Variants in GALNTL6 observed in about 807,000 individuals in gnomAD.
GALNTL6 encodes polypeptide N-acetylgalactosaminyltransferase-like 6.
GALNTL6 carries 46 observed loss-of-function variants against 73.7 expected under a neutral mutation model. The observed-to-expected ratio is 0.62, with a 90% CI of 0.49 to 0.80. GALNTL6 has a LOEUF of 0.80. GALNTL6 is among the 30% of genes least tolerant of loss of function. The probability of loss-of-function intolerance (pLI) is 0.00; values close to 1 mark genes in which losing one functional copy is unlikely to be tolerated. For missense variants in GALNTL6, 604 were observed against 755.0 expected (o/e 0.80, Z 2.34); for synonymous variants, 259 against 263.7 (o/e 0.98, Z 0.17).
intron 2 of GALNTL6, among the ~76,000 whole-genome samples, chr4:172,134,200 G>A (rs939665459): frequency 5.3e-5 from 8 of 151,972 alleles, no homozygotes; most frequent in Non-Finnish European, 8.8e-5. Context: ...TGGCTAACTC[G>A]GTGAAACCCC....
chr4:172,260,765 T>C (rs113624583), intron 3 of GALNTL6, among the ~76,000 whole-genome samples: 272 of 151,684 alleles, frequency 1.8e-3, no homozygotes, highest in African/African-American at 5.9e-3. Context: ...TTTATTACCT[T>C]GAGGTATGTC....
At chr4:173,006,729 A>G (rs540403870) in intron 10 of GALNTL6, among the ~76,000 whole-genome samples, 38 of 152,276 alleles carry the variant, frequency 2.5e-4, no homozygotes, top group African/African-American at 8.9e-4. Context: ...ACTAGTTCCC[A>G]AGGGGTCAGG....
chr4:171,988,706 A>T (rs1235717116), intron 2 of GALNTL6, among the ~76,000 whole-genome samples: 1 of 152,194 alleles, frequency 6.6e-6, no homozygotes, highest in East Asian at 1.9e-4. Context: ...TAGGCTTTAA[A>T]AGGCCATGCT....
At chr4:172,942,706 C>T (rs1748973606) in intron 9 of GALNTL6, among the ~76,000 whole-genome samples, 1 of 152,182 alleles carries the variant, frequency 6.6e-6, no homozygotes. Flanking sequence ...CCTCTGTTTC[C>T]TGCCCATGAA....
At chr4:172,621,278 C>T (rs1427436340) in intron 5 of GALNTL6, among the ~76,000 whole-genome samples, 2 of 152,178 alleles carry the variant, frequency 1.3e-5, no homozygotes, top group African/African-American at 4.8e-5. Flanking sequence ...TGTTCTCAAA[C>T]TCCTGGCCTC....
chr4:172,529,542 C>CAGGATAGAA (rs1735094781), intron 5 of GALNTL6, among the ~76,000 whole-genome samples: 1 of 151,986 alleles, frequency 6.6e-6, no homozygotes, highest in East Asian at 1.9e-4. Context: ...ATATATCCTC[C>CAGGATAGAA]AGTAATTAAC....
chr4:171,986,199 AAG>A (rs1374475921), intron 2 of GALNTL6, among the ~76,000 whole-genome samples: 1 of 151,994 alleles, frequency 6.6e-6, no homozygotes, highest in Non-Finnish European at 1.5e-5. Context: ...TGAGTCCGAA[AAG>A]AGAGTCAGAG....
intron 3 of GALNTL6, among the ~76,000 whole-genome samples, chr4:172,284,550 A>ATCTTTGCC (rs70941397): frequency 0.12 from 18,036 of 151,970 alleles, 1,160 homozygotes; most frequent in East Asian, 0.3. Context: ...TTAGTCATGA[A>ATCTTTGCC]TCTTTGCCTG....
chr4:172,605,254 G>A lies in GALNTL6; in HGVS notation c.554-204107G>A, dbSNP rs1027070442. On this transcript the variant is annotated intron_variant, in intron 5 of 12. Coordinates refer to ENST00000506823, the MANE Select transcript of GALNTL6 (RefSeq NM_001034845.3). The stretch of plus-strand genomic sequence containing the variant: ...TGCTGCTAAAATATAGGAAAAGTAT[G>A]AGGATTTCATCCCTCTACGATTTTC... Among the ~76,000 whole-genome samples, 11 of 152,248 alleles carry A rather than the reference G, an allele frequency of 7.2e-5. No individual in the cohort carries two copies. In the East Asian group the frequency reaches 1.9e-3, roughly 27 times the overall value.
intron 2 of GALNTL6, among the ~76,000 whole-genome samples, chr4:172,002,004 A>C (rs952049885): frequency 7.9e-5 from 12 of 152,226 alleles, no homozygotes; most frequent in Admixed American, 7.9e-4. Context: ...AAGCCATCCA[A>C]ATGAAGTCCC....
intron 7 of GALNTL6, among the ~76,000 whole-genome samples, chr4:172,819,676 A>G (rs1238104820): frequency 6.6e-6 from 1 of 152,182 alleles, no homozygotes. Context: ...CTTCTAACCC[A>G]TTTAATCCTT....
At chr4:172,257,175 A>G (rs901147242) in intron 3 of GALNTL6, among the ~76,000 whole-genome samples, 1 of 151,450 alleles carries the variant, frequency 6.6e-6, no homozygotes. Context: ...ATCCTAAAGC[A>G]ATATCTTTAT....
At chr4:172,718,311 C>T (rs902919686) in intron 5 of GALNTL6, among the ~76,000 whole-genome samples, 1 of 152,052 alleles carries the variant, frequency 6.6e-6, no homozygotes, top group African/African-American at 2.4e-5. Flanking sequence ...CAAATATACA[C>T]AGTAATAAAT....
intron 2 of GALNTL6, among the ~76,000 whole-genome samples, chr4:172,172,266 C>T (rs1734853059): frequency 6.6e-6 from 1 of 152,110 alleles, no homozygotes; most frequent in Admixed American, 6.5e-5. Context: ...GGTGCGATCT[C>T]GGCTCACTGC....
At chr4:171,893,072 T>C (rs532739818) in intron 2 of GALNTL6, among the ~76,000 whole-genome samples, 8 of 152,342 alleles carry the variant, frequency 5.3e-5, no homozygotes, top group African/African-American at 1.9e-4. Flanking sequence ...GGAATTATTA[T>C]CCCGGTTTCA....
At chr4:172,268,978 G>A (rs1331563866) in intron 3 of GALNTL6, among the ~76,000 whole-genome samples, 1 of 152,078 alleles carries the variant, frequency 6.6e-6, no homozygotes, top group Non-Finnish European at 1.5e-5. Context: ...AGTTGACTAA[G>A]AGGAAGCCCT....
intron 7 of GALNTL6, among the ~76,000 whole-genome samples, chr4:172,867,200 G>T (rs1744705370): frequency 6.6e-6 from 1 of 152,180 alleles, no homozygotes. Flanking sequence ...TGGGCAATAA[G>T]CATAAACCAG....
chr4:172,315,984 A>G (rs1345374030), intron 4 of GALNTL6, among the ~76,000 whole-genome samples: 1 of 152,204 alleles, frequency 6.6e-6, no homozygotes, highest in African/African-American at 2.4e-5. Flanking sequence ...CTATGTAAAA[A>G]TGGCCTATAT....
At chr4:172,868,464 T>C (rs1744768542) in intron 7 of GALNTL6, among the ~76,000 whole-genome samples, 1 of 152,246 alleles carries the variant, frequency 6.6e-6, no homozygotes, top group Admixed American at 6.5e-5. Context: ...GTTGAAATGT[T>C]AATTGTCTGC....
Sources: gnomAD v4.1 joint callset for allele counts (sites outside exome capture counted in the v4.1 genomes callset) on GRCh38, gnomAD v4.1.1 for gene constraint, MANE v1.5 for transcripts, NCBI Gene and HGNC (gene_info 2026-07-23, HGNC 2026-07-21) for gene names.